The following COLGALT2 variants were observed in gnomAD, a reference collection of about 807,000 sequenced individuals.
The protein encoded by COLGALT2 is procollagen galactosyltransferase 2.
COLGALT2 carries 49 observed loss-of-function variants against 73.4 expected under a neutral mutation model. The ratio of observed to expected loss-of-function variants is 0.67; its 90% CI spans 0.53 to 0.85. The LOEUF is 0.85. COLGALT2 is among the 40% of genes least tolerant of loss of function. The pLI, the probability that COLGALT2 is intolerant of heterozygous loss-of-function variation, is 0.00. For missense variants in COLGALT2, 722 were observed against 790.2 expected, an observed-to-expected ratio of 0.91 and a Z score of 1.03; for synonymous variants, 295 against 307.6, an observed-to-expected ratio of 0.96 and a Z score of 0.43.
chr1:184,010,723 G>T (rs1291592999), intron 1 of COLGALT2, among the ~76,000 whole-genome samples: 3 of 152,144 alleles, frequency 2.0e-5, no homozygotes, highest in Non-Finnish European at 4.4e-5. Context: ...GATCCAAACT[G>T]AGGGCCACCA....
intron 6 of COLGALT2, among the ~76,000 whole-genome samples, chr1:183,962,213 G>C (rs1248919476): frequency 1.5e-5 from 2 of 134,556 alleles, no homozygotes; most frequent in Non-Finnish European, 3.1e-5. Flanking sequence ...AGGCTGGAGT[G>C]CAATGGCGCG....
At position 183,938,587 on chromosome 1, in the gene COLGALT2, T is replaced by A. The variant is rs1670025473; in HGVS notation, c.*174A>T. 3.5e-6 allele frequency: 5 copies of A among 1,424,936 alleles called. No homozygotes were observed. Among genetic ancestry groups the A allele is most frequent in the Non-Finnish European group, 4.6e-6 (5 of 1,090,846 alleles). The allele number at this position is 1,424,936 out of a possible 1,614,324, so 88.3% of individuals were successfully genotyped here. A position where few individuals can be genotyped will look rare whatever the true frequency, so the allele number is the denominator to read the frequency against. ...GAAATTTGGGTTGAATTTCCTTATT[T>A]CCTTCCATGGTCAAAAATATGTTAA... On this transcript the variant is annotated 3_prime_UTR_variant, in exon 12 of 12. Transcript: ENST00000361927.
chr1:184,010,697 T>C (rs555339457), intron 1 of COLGALT2, among the ~76,000 whole-genome samples: 13 of 152,294 alleles, frequency 8.5e-5, no homozygotes, highest in African/African-American at 3.1e-4. Context: ...AAAGGAAATA[T>C]GACAGAGTAA....
At chr1:183,989,499 G>C (rs1054264273) in intron 1 of COLGALT2, among the ~76,000 whole-genome samples, 35 of 152,190 alleles carry the variant, frequency 2.3e-4, no homozygotes, top group East Asian at 1.9e-4. Context: ...CTCTGGAGGA[G>C]AACTGGCTGA....
chr1:184,000,096 T>C (rs995396265), intron 1 of COLGALT2, among the ~76,000 whole-genome samples: 1 of 152,192 alleles, frequency 6.6e-6, no homozygotes, highest in Non-Finnish European at 1.5e-5. Flanking sequence ...TAATTGTGAC[T>C]TTTATTTTCC....
At chr1:184,023,581 G>A (rs1423658248) in intron 1 of COLGALT2, among the ~76,000 whole-genome samples, 2 of 142,622 alleles carry the variant, frequency 1.4e-5, no homozygotes, top group African/African-American at 2.6e-5. Context: ...CACACATATC[G>A]TTTCCCATCA....
In COLGALT2 at chr1:183,975,120, C is replaced by T. The variant is rs1314289184; in HGVS notation, c.469G>A (p.Glu157Lys). 6.2e-7 allele frequency: 1 copy of T among 1,613,514 alleles called. No individual in the cohort carries two copies. Among genetic ancestry groups the T allele is most frequent in the Non-Finnish European group, 8.5e-7 (1 of 1,179,574 alleles). ...LRQAALRTAREKWSDYILFID... is the reference protein window; with the variant it reads ...LRQAALRTARKKWSDYILFID... ...ACCAGAATGTAGTCTGACCATTTTT[C>T]CCTCGCAGTTCGAAGGGCTGCCTGT... Residue 157 changes from glutamate (E) to lysine (K), a missense_variant, in exon 3 of 12, where the codon GAA becomes AAA. Transcript: ENST00000361927.
chr1:183,945,814 G>C, intron 8 of COLGALT2: 1 of 500,246 alleles, frequency 2.0e-6, no homozygotes, highest in South Asian at 3.0e-5. Context: ...AGCATCATCA[G>C]TTTTTTGACA....
Position 184,037,386 on chromosome 1 carries a change from G to T in COLGALT2, c.-29C>A. ...CCGGGCCGAGGCGGGCGGCGGGGAA[G>T]TCCTGGCGCGAGCGCCCGGCTGGGC... On this transcript the variant is annotated 5_prime_UTR_variant, in exon 1 of 12. Coordinates refer to ENST00000361927, the MANE Select transcript of COLGALT2 (RefSeq NM_015101.4). 7.4e-7 allele frequency: 1 copy of T among 1,355,620 alleles called. No homozygotes were observed. The highest frequency in any genetic ancestry group is 1.8e-5 in the South Asian group (1 of 54,584). 84.0% of individuals were successfully genotyped at this position (1,355,620 alleles called of 1,614,324 possible). A position where few individuals can be genotyped will look rare whatever the true frequency, so the allele number is the denominator to read the frequency against.
chr1:184,036,547 G>C (rs1364344405), intron 1 of COLGALT2, among the ~76,000 whole-genome samples: 1 of 152,206 alleles, frequency 6.6e-6, no homozygotes, highest in Non-Finnish European at 1.5e-5. Context: ...CCCCCTAGGA[G>C]AGCTAGGAGC....
chr1:184,037,140 C>T lies in COLGALT2; in HGVS notation c.218G>A (p.Gly73Asp). 6.3e-7 allele frequency: 1 copy of T among 1,599,584 alleles called. No homozygotes were observed. Among genetic ancestry groups the T allele is most frequent in the East Asian group, 2.3e-5 (1 of 43,442 alleles). The change falls in exon 1 of 12, where the codon GGC (glycine) becomes GAC (aspartate). Residue 73 changes from glycine to aspartate, a missense_variant. By Grantham distance (94) the Gly-to-Asp change is moderately conservative. Coordinates refer to ENST00000361927, the MANE Select transcript of COLGALT2 (RefSeq NM_015101.4). ...NAAHTLPHFL[G>D]CLERLDYPKS... ...GGGGTAGTCCAGCCGCTCCAGGCAG[C>T]CGAGGAAGTGCGGCAGCGTGTGCGC...
chr1:184,022,767 A>G lies in COLGALT2; in HGVS notation c.263+14328T>C, dbSNP rs377679113. Among the ~76,000 whole-genome samples the G allele has an allele frequency of 5.3e-5, 8 of 152,360 alleles. No homozygotes were observed. The South Asian group carries it at 6.2e-4, about 12-fold the overall frequency. The stretch of plus-strand genomic sequence containing the variant: ...AAAATCTGTTTTGCCTCAGGGCAGA[A>G]ATCGTTTCACCCTCAGTCCATTAAA... On this transcript the variant is annotated intron_variant, in intron 1 of 11. Transcript: ENST00000361927.
chr1:183,943,715 A>G (rs1299296091), intron 10 of COLGALT2, among the ~76,000 whole-genome samples: 1 of 152,208 alleles, frequency 6.6e-6, no homozygotes, highest in Admixed American at 6.5e-5. Context: ...CCATTTCCCA[A>G]CAGAGGAGCT....
chr1:183,967,789 G>A (rs902870156), intron 5 of COLGALT2, among the ~76,000 whole-genome samples: 1 of 152,212 alleles, frequency 6.6e-6, no homozygotes, highest in African/African-American at 2.4e-5. Flanking sequence ...GGGGAAGTCA[G>A]AGCAAATCAC....
At chr1:183,999,395 T>C (rs1423136938) in intron 1 of COLGALT2, among the ~76,000 whole-genome samples, 2 of 152,128 alleles carry the variant, frequency 1.3e-5, no homozygotes, top group Non-Finnish European at 1.5e-5. Context: ...TTTATGTATA[T>C]GGGTAAAATT....
chr1:183,984,448 GC>G (rs1671434500), intron 1 of COLGALT2, among the ~76,000 whole-genome samples: 1 of 152,168 alleles, frequency 6.6e-6, no homozygotes, highest in South Asian at 2.1e-4. Flanking sequence ...GGAGAGCTCA[GC>G]TCTTGAGCTG....
intron 4 of COLGALT2, among the ~76,000 whole-genome samples, chr1:183,971,255 G>A (rs1334576180): frequency 2.0e-5 from 3 of 152,166 alleles, no homozygotes; most frequent in Non-Finnish European, 4.4e-5. Flanking sequence ...TTGAATTTAT[G>A]AAGTCACTGG....
chr1:183,937,299 A>G lies in COLGALT2; in HGVS notation c.*1462T>C. The G allele has an allele frequency of 9.1e-7, 1 of 1,100,714 alleles. No homozygotes were observed. Among genetic ancestry groups the G allele is most frequent in the African/African-American group, 1.6e-5 (1 of 61,564 alleles). 68.2% of individuals were successfully genotyped at this position (1,100,714 alleles called of 1,614,324 possible). A position where few individuals can be genotyped will look rare whatever the true frequency, so the allele number is the denominator to read the frequency against. On this transcript the variant is annotated 3_prime_UTR_variant, in exon 12 of 12. Coordinates refer to ENST00000361927, the MANE Select transcript of COLGALT2 (RefSeq NM_015101.4). The stretch of plus-strand genomic sequence containing the variant: ...GCCTGGGAGGGTTTTTCTGGAGACA[A>G]AAATTTACAGATTGAGGGCATGAGA...
intron 7 of COLGALT2, among the ~76,000 whole-genome samples, chr1:183,954,456 T>C (rs965621429): frequency 1.3e-5 from 2 of 152,252 alleles, no homozygotes; most frequent in Admixed American, 1.3e-4. Flanking sequence ...TCTTGAATTT[T>C]GATAAAAAGG....
Sources: gnomAD v4.1 joint callset for allele counts (sites outside exome capture counted in the v4.1 genomes callset) on GRCh38, gnomAD v4.1.1 for gene constraint, MANE v1.5 for transcripts, NCBI Gene and HGNC (gene_info 2026-07-23, HGNC 2026-07-21) for gene names.